Variants in CDH4 observed in about 807,000 individuals in gnomAD.
CDH4 encodes the protein cadherin 4, also known as cadherin-4.
In CDH4, 33 loss-of-function variants were observed where a neutral mutation model predicts 86.0. The ratio of observed to expected loss-of-function variants is 0.38; its 90% CI spans 0.29 to 0.51. The LOEUF (loss-of-function observed/expected upper bound fraction) is 0.51, where lower values mean the gene tolerates loss of function less well. Ranked by LOEUF, CDH4 falls within the 20% of genes least tolerant of loss-of-function variation. The pLI, the probability that CDH4 is intolerant of heterozygous loss-of-function variation, is 0.86. For missense variants in CDH4, 1,114 were observed against 1,307.4 expected (o/e 0.85, Z 2.28); for synonymous variants, 555 against 549.4 (o/e 1.01, Z -0.14).
At chr20:61,553,196 T>A (rs1435605499) in intron 2 of CDH4, among the ~76,000 whole-genome samples, 1 of 152,240 alleles carries the variant, frequency 6.6e-6, no homozygotes, top group Non-Finnish European at 1.5e-5. Flanking sequence ...ACCCATGTAC[T>A]GTATGATTCC....
chr20:61,894,828 A>G (rs1381274993), intron 7 of CDH4, 82 bp from the exon 8 acceptor site: 13 of 1,462,538 alleles, frequency 8.9e-6, no homozygotes, highest in East Asian at 2.3e-5. Flanking sequence ...GTTCCTGTAA[A>G]CGGATTTCTT....
Position 61,923,620 on chromosome 20 carries a change from G to T in CDH4, c.1544G>T (p.Arg515Leu). ...TTCCCCTCAAACCACAAGCTGATCCGCCTGGAGGAGGGCGTGCCCCCCGGC... is the reference window on the plus strand; with the variant it reads ...TTCCCCTCAAACCACAAGCTGATCCTCCTGGAGGAGGGCGTGCCCCCCGGC... ...PYFPSNHKLIRLEEGVPPGTV... is the reference protein window; with the variant it reads ...PYFPSNHKLILLEEGVPPGTV... Residue 515 changes from arginine to leucine, a missense_variant, in exon 10 of 16, where the codon CGC (arginine) becomes CTC (leucine). By Grantham distance (102) the Arg-to-Leu change is moderately radical. Around this residue, in one of 3 missense-constraint regions of CDH4, gnomAD observed 705 missense variants for 914.1 expected, o/e 0.77. Transcript: ENST00000614565. The T allele has an allele frequency of 1.2e-6, 2 of 1,614,076 alleles. No individual in the cohort carries two copies. The highest frequency in any genetic ancestry group is 1.1e-5 in the South Asian group (1 of 91,082).
chr20:61,416,480 C>T (rs2085147742), intron 2 of CDH4, among the ~76,000 whole-genome samples: 2 of 152,164 alleles, frequency 1.3e-5, no homozygotes, highest in Non-Finnish European at 2.9e-5. Context: ...TTGTTATTTT[C>T]TGTGTTTTGA....
chr20:61,498,857 C>T (rs1283500508), intron 2 of CDH4, among the ~76,000 whole-genome samples: 1 of 152,176 alleles, frequency 6.6e-6, no homozygotes, highest in East Asian at 1.9e-4. Flanking sequence ...CTCTGAGGAC[C>T]TCAGGTGGGA....
chr20:61,684,140 C>G lies in CDH4; in HGVS notation c.170-59423C>G, dbSNP rs2087549090. Among the ~76,000 whole-genome samples the G allele has an allele frequency of 6.6e-6, 1 of 152,208 alleles. No individual in the cohort carries two copies. Among genetic ancestry groups the G allele is most frequent in the South Asian group, 2.1e-4 (1 of 4,832 alleles). On this transcript the variant is annotated intron_variant, in intron 2 of 15. Transcript: ENST00000614565. The surrounding 1 kb of genome is among the most constrained non-coding windows in gnomAD (Gnocchi z 4.5). Reference sequence around the variant, plus strand: ...GGGATTGCAGTGGCATCGGACAAAGCCTCTGCCCTCTGGATGCCAAACATT... The same window carrying G: ...GGGATTGCAGTGGCATCGGACAAAGGCTCTGCCCTCTGGATGCCAAACATT...
At chr20:61,483,396 C>T (rs2085578485) in intron 2 of CDH4, among the ~76,000 whole-genome samples, 1 of 152,118 alleles carries the variant, frequency 6.6e-6, no homozygotes, top group African/African-American at 2.4e-5. Flanking sequence ...TCAGTGTCTC[C>T]CTTGAGTTCA....
At chr20:61,894,579 AG>A (rs1985010463) in intron 7 of CDH4, among the ~76,000 whole-genome samples, 1 of 152,134 alleles carries the variant, frequency 6.6e-6, no homozygotes, top group African/African-American at 2.4e-5. Context: ...ATGCAACCCC[AG>A]TGCCCTCTGG....
intron 2 of CDH4, among the ~76,000 whole-genome samples, chr20:61,533,999 G>T (rs894361507): frequency 1.3e-5 from 2 of 152,180 alleles, no homozygotes; most frequent in African/African-American, 4.8e-5. Context: ...TGTTTAGAGA[G>T]ATAAATGGAC....
At chr20:61,702,960 G>T (rs143559841) in intron 2 of CDH4, among the ~76,000 whole-genome samples, 107 of 152,344 alleles carry the variant, frequency 7.0e-4, no homozygotes, top group African/African-American at 2.5e-3. Flanking sequence ...GCTGGCAGAG[G>T]CTGTGTGCGT....
At chr20:61,314,001 C>T (rs1179062445) in intron 2 of CDH4, among the ~76,000 whole-genome samples, 1 of 152,214 alleles carries the variant, frequency 6.6e-6, no homozygotes, top group Non-Finnish European at 1.5e-5. Flanking sequence ...TCCCAAAGTG[C>T]TGGGATTACA....
chr20:61,748,266 G>C (rs2088443996), intron 3 of CDH4, among the ~76,000 whole-genome samples: 1 of 152,168 alleles, frequency 6.6e-6, no homozygotes, highest in Non-Finnish European at 1.5e-5. Context: ...CTGAGTAGCT[G>C]GGATCACAGG....
chr20:61,795,089 G>GATGTTGATGATGGTGGTGATA (rs1979456182), intron 4 of CDH4, among the ~76,000 whole-genome samples: 1 of 110,892 alleles, frequency 9.0e-6, no homozygotes, highest in African/African-American at 4.0e-5. Context: ...TGATGATGTT[G>GATGTTGATGATGGTGGTGATA]ATGGTAATGA....
At chr20:61,777,942 T>C (rs1273430967) in intron 4 of CDH4, among the ~76,000 whole-genome samples, 3 of 149,212 alleles carry the variant, frequency 2.0e-5, no homozygotes, top group African/African-American at 7.5e-5. Context: ...GTGCATACTA[T>C]ACACACATGC....
In CDH4 at chr20:61,879,426, C is replaced by T. The variant is rs550347391; in HGVS notation, c.1050+5526C>T. The stretch of plus-strand genomic sequence containing the variant: ...GCCCTTGGGCAACAAGCAGAGTCTT[C>T]GGGGGAAGCACCAGAGATACTTCTC... On this transcript the variant is annotated intron_variant, in intron 7 of 15. Coordinates refer to ENST00000614565, the MANE Select transcript of CDH4 (RefSeq NM_001794.5). The surrounding 1 kb of genome is among the most constrained non-coding windows in gnomAD (Gnocchi z 4.1). Among the ~76,000 whole-genome samples, 17 of 152,192 alleles carry T rather than the reference C, an allele frequency of 1.1e-4. No homozygotes were observed. The highest frequency in any genetic ancestry group is 2.4e-4 in the Non-Finnish European group (16 of 68,046).
intron 2 of CDH4, among the ~76,000 whole-genome samples, chr20:61,301,817 A>G (rs1051673025): frequency 3.2e-4 from 48 of 152,354 alleles, no homozygotes; most frequent in African/African-American, 1.2e-3. Context: ...TTAGAGTACA[A>G]CATAAAACTC....
intron 2 of CDH4, among the ~76,000 whole-genome samples, chr20:61,577,769 G>A (rs942280857): frequency 3.3e-5 from 5 of 152,048 alleles, no homozygotes; most frequent in African/African-American, 9.7e-5. Context: ...TCTGGGTGGC[G>A]GCCCTGGGCA....
rs1288947959 is a variant in CDH4 at position 61,833,836 on chromosome 20, A to C, written c.577-10832A>C. On this transcript the variant is annotated intron_variant, in intron 4 of 15. Transcript: ENST00000614565. Reference sequence around the variant, plus strand: ...CAGCTCTGCAGGCTGGATTTAAAAAATCCCATTTCCAGATGAGGAGATAAA... The same window carrying C: ...CAGCTCTGCAGGCTGGATTTAAAAACTCCCATTTCCAGATGAGGAGATAAA... Among the ~76,000 whole-genome samples the C allele has an allele frequency of 2.0e-5, 3 of 152,342 alleles. No individual in the cohort carries two copies. The East Asian group carries it at 5.8e-4, about 29-fold the overall frequency.
At chr20:61,669,235 G>A (rs1401098410) in intron 2 of CDH4, among the ~76,000 whole-genome samples, 4 of 152,236 alleles carry the variant, frequency 2.6e-5, no homozygotes, top group Non-Finnish European at 5.9e-5. Flanking sequence ...TGTGGGCCTG[G>A]AGAGTTAAAG....
intron 2 of CDH4, among the ~76,000 whole-genome samples, chr20:61,629,835 G>A (rs1280433723): frequency 2.0e-5 from 3 of 152,206 alleles, no homozygotes; most frequent in African/African-American, 7.2e-5. Flanking sequence ...GTCCGATGCG[G>A]CGCCTTCCTT....
Sources: allele counts gnomAD v4.1 joint callset (sites outside exome capture counted in the v4.1 genomes callset), GRCh38; gene constraint gnomAD v4.1.1; regional missense constraint gnomAD v4.1.1; non-coding constraint Gnocchi (gnomAD v3.1); transcripts MANE v1.5; gene names NCBI Gene and HGNC (gene_info 2026-07-23, HGNC 2026-07-21).